The following ULK2 variants were observed in gnomAD, a reference collection of about 807,000 sequenced individuals.
The protein encoded by ULK2 is unc-51 like autophagy activating kinase 2.
ULK2 carries 76 observed loss-of-function variants against 127.5 expected under a neutral mutation model. The ratio of observed to expected loss-of-function variants is 0.60; its 90% CI spans 0.50 to 0.72. ULK2 has a LOEUF of 0.72. Ranked by LOEUF, ULK2 falls within the 30% of genes least tolerant of loss-of-function variation. The probability of loss-of-function intolerance (pLI) is 0.00; values close to 1 mark genes in which losing one functional copy is unlikely to be tolerated. For synonymous variants in ULK2, 452 were observed against 461.9 expected, an observed-to-expected ratio of 0.98 and a Z score of 0.28; for missense variants, 1,144 against 1,295.9, an observed-to-expected ratio of 0.88 and a Z score of 1.80.
chr17:19,832,439 G>C (rs1044898691), intron 10 of ULK2, among the ~76,000 whole-genome samples: 1 of 151,852 alleles, frequency 6.6e-6, no homozygotes, highest in Non-Finnish European at 1.5e-5. Flanking sequence ...GCTAATTTTT[G>C]TATTTTTAGT....
At chr17:19,812,201 G>C (rs1283862225) in intron 13 of ULK2, among the ~76,000 whole-genome samples, 1 of 152,154 alleles carries the variant, frequency 6.6e-6, no homozygotes, top group Non-Finnish European at 1.5e-5. Context: ...AGGATTGATT[G>C]AAAGTCTATT....
chr17:19,785,455 T>G (rs2087008356), intron 21 of ULK2, among the ~76,000 whole-genome samples: 1 of 151,764 alleles, frequency 6.6e-6, no homozygotes, highest in Non-Finnish European at 1.5e-5. Context: ...TCAAGTGATC[T>G]GCCTGCCTCA....
At chr17:19,825,575 T>G (rs2041267612) in intron 11 of ULK2, among the ~76,000 whole-genome samples, 1 of 150,528 alleles carries the variant, frequency 6.6e-6, no homozygotes, top group Non-Finnish European at 1.5e-5. Flanking sequence ...CCAGGTGTGG[T>G]AGTGCCCGCC....
intron 3 of ULK2, among the ~76,000 whole-genome samples, chr17:19,857,240 G>A (rs1397490318): frequency 2.0e-5 from 3 of 151,264 alleles, no homozygotes; most frequent in Non-Finnish European, 4.4e-5. Flanking sequence ...CCTGGGAGGT[G>A]GAGGTTGCAG....
chr17:19,781,916 T>G lies in ULK2; in HGVS notation c.2612A>C (p.Gln871Pro). The G allele has an allele frequency of 6.2e-7, 1 of 1,614,054 alleles. No individual in the cohort carries two copies. ...CCAGTCTTTGCTCAGCTGACTGATCTGGTCCACCACCACACTCTCCTGGAT... is the reference window on the plus strand; with the variant it reads ...CCAGTCTTTGCTCAGCTGACTGATCGGGTCCACCACCACACTCTCCTGGAT... ...YQIQESVVVD[Q>P]ISQLSKDWGR... The change falls in exon 23 of 27, where the codon CAG (glutamine) becomes CCG (proline). Residue 871 changes from glutamine to proline, a missense_variant. This residue lies in a region of ULK2 where 913 missense variants were observed against 970.5 expected (regional missense o/e 0.94). Coordinates refer to ENST00000395544, the MANE Select transcript of ULK2 (RefSeq NM_014683.4).
rs576445612 is a variant in ULK2, at chr17:19,805,194, G to A, written c.1158-364C>T. ...AGGAAAATATGCTGGGTAAAAGAAC[G>A]GGAAGTTCAACAACAAAGATGACTG... On this transcript the variant is annotated intron_variant, in intron 14 of 26. Transcript: ENST00000395544. Among the ~76,000 whole-genome samples the A allele has an allele frequency of 3.9e-5, 6 of 152,258 alleles. No individual in the cohort carries two copies. The East Asian group carries it at 5.8e-4, about 15-fold the overall frequency.
chr17:19,826,336 T>C (rs2041296393), intron 10 of ULK2, 150 bp from the exon 11 acceptor site: 1 of 361,822 alleles, frequency 2.8e-6, no homozygotes, highest in Non-Finnish European at 5.3e-6. Flanking sequence ...TGTAAAAGCG[T>C]ATTTTTTATA....
Position 19,824,474 on chromosome 17 carries a change from A to T in ULK2, c.924+620T>A, listed in dbSNP as rs1043456201. ...AAAAAAAAAAAAAAAAAAAAAAAAA[A>T]GCCTAAGAGAAGAGTGGAGTAGGAA... On this transcript the variant is annotated intron_variant, in intron 12 of 26. Transcript: ENST00000395544. Among the ~76,000 whole-genome samples the T allele has an allele frequency of 9.8e-4, 145 of 148,220 alleles. 1 individual carries two copies. The highest frequency in any genetic ancestry group is 1.8e-3 in the Non-Finnish European group (118 of 67,020).
At chr17:19,823,360 C>G (rs946520488) in intron 12 of ULK2, among the ~76,000 whole-genome samples, 6 of 152,020 alleles carry the variant, frequency 3.9e-5, no homozygotes, top group Non-Finnish European at 5.9e-5. Flanking sequence ...TTGTCCTCCT[C>G]TTTCAACCAA....
intron 21 of ULK2, 43 bp from the exon 22 acceptor site, chr17:19,783,948 G>A (rs759020002): frequency 1.5e-6 from 2 of 1,367,450 alleles, no homozygotes; most frequent in African/African-American, 1.5e-5. Flanking sequence ...CAGAGTTAGG[G>A]CTTTCACACC....
chr17:19,846,111 G>A (rs2041875426), intron 6 of ULK2, among the ~76,000 whole-genome samples: 1 of 152,142 alleles, frequency 6.6e-6, no homozygotes, highest in South Asian at 2.1e-4. Flanking sequence ...GGGTGACAGA[G>A]CGAGACTCCA....
At chr17:19,778,354 CG>C (rs2086851206) in intron 25 of ULK2, among the ~76,000 whole-genome samples, 2 of 152,220 alleles carry the variant, frequency 1.3e-5, no homozygotes, top group South Asian at 4.2e-4. Flanking sequence ...ACCTATATTA[CG>C]GAAGGAGAAG....
chr17:19,845,514 CA>C (rs1173258331), intron 6 of ULK2, 137 bp from the exon 7 acceptor site: 1,884 of 573,534 alleles, frequency 3.3e-3, no homozygotes, highest in South Asian at 5.7e-3. Flanking sequence ...GACTGTCCAC[CA>C]AAAAAAAAGT....
chr17:19,844,009 C>T (rs2152397711), intron 7 of ULK2, among the ~76,000 whole-genome samples: 1 of 152,164 alleles, frequency 6.6e-6, no homozygotes, highest in East Asian at 1.9e-4. Context: ...AAAATGTTAA[C>T]TTTGTGAAAT....
In ULK2 at chr17:19,820,828, G is replaced by A. The variant is rs146497414; in HGVS notation, c.925-3908C>T. ...CCTAAATCCTTAATCTAATTTTGAT[G>A]TTCCCCAATCACACTCCCATAGGCA... On this transcript the variant is annotated intron_variant, in intron 12 of 26. Transcript: ENST00000395544. Among the ~76,000 whole-genome samples, 28 of 152,122 alleles carry A rather than the reference G, an allele frequency of 1.8e-4. No homozygotes were observed. The East Asian group carries it at 5.2e-3, about 28-fold the overall frequency.
intron 17 of ULK2, among the ~76,000 whole-genome samples, chr17:19,797,985 C>T (rs1052282100): frequency 4.6e-5 from 7 of 152,012 alleles, no homozygotes; most frequent in African/African-American, 1.4e-4. Context: ...AGAACAATAT[C>T]GTTAATGATT....
At position 19,776,161 on chromosome 17, in the gene ULK2, A is replaced by G; in HGVS notation, c.*188T>C. 1.9e-6 allele frequency: 1 copy of G among 532,114 alleles called. No individual in the cohort carries two copies. The highest frequency in any genetic ancestry group is 3.3e-6 in the Non-Finnish European group (1 of 304,192). 33.0% of individuals were successfully genotyped at this position (532,114 alleles called of 1,614,324 possible). A position where few individuals can be genotyped will look rare whatever the true frequency, so the allele number is the denominator to read the frequency against. On this transcript the variant is annotated 3_prime_UTR_variant, in exon 27 of 27. Transcript: ENST00000395544. ...AAAAGGGAAAGGGTGATTTTCTCCA[A>G]TAAGGCAGATTTCCTACAAATATGT...
intron 13 of ULK2, among the ~76,000 whole-genome samples, chr17:19,811,978 A>G (rs2087652175): frequency 6.6e-6 from 1 of 152,212 alleles, no homozygotes; most frequent in African/African-American, 2.4e-5. Context: ...ACTCACAAGG[A>G]CAAAAAGAAC....
At chr17:19,829,549 G>A (rs144010694) in intron 10 of ULK2, among the ~76,000 whole-genome samples, 367 of 12,494 alleles carry the variant, frequency 0.029, 55 homozygotes, top group African/African-American at 0.077. Context: ...AAAAAAAAAA[G>A]GGGGGGGGCT....
Sources: gnomAD v4.1 joint callset for allele counts (sites outside exome capture counted in the v4.1 genomes callset) on GRCh38, gnomAD v4.1.1 for gene constraint, gnomAD v4.1.1 regional missense constraint, MANE v1.5 for transcripts, NCBI Gene and HGNC (gene_info 2026-07-23, HGNC 2026-07-21) for gene names.